CYTH3: variants seen among roughly 807,000 people sequenced by gnomAD.
CYTH3 encodes cytohesin 3.
In CYTH3, 23 loss-of-function variants were observed where a neutral mutation model predicts 55.1. The ratio of observed to expected loss-of-function variants is 0.42; its 90% confidence interval spans 0.30 to 0.59. The LOEUF (loss-of-function observed/expected upper bound fraction) is 0.59, where lower values mean the gene tolerates loss of function less well. CYTH3 is among the 20% of genes least tolerant of loss of function. The pLI is 0.20. For missense variants in CYTH3, 413 were observed against 524.8 expected, an observed-to-expected ratio of 0.79 and a Z score of 2.08; for synonymous variants, 249 against 194.9, an observed-to-expected ratio of 1.28 and a Z score of -2.31.
intron 4 of CYTH3, among the ~76,000 whole-genome samples, 157 bp downstream of exon 4, chr7:6,186,893 G>A (rs920860904): frequency 3.9e-5 from 6 of 152,142 alleles, no homozygotes; most frequent in South Asian, 2.1e-4. Flanking sequence ...CACCCCACTC[G>A]CGAAAAGCCC....
At chr7:6,258,089 C>T (rs910439652) in intron 1 of CYTH3, among the ~76,000 whole-genome samples, 1 of 152,074 alleles carries the variant, frequency 6.6e-6, no homozygotes, top group African/African-American at 2.4e-5. Flanking sequence ...GCCTGAGCAA[C>T]GTAGCAAGAT....
chr7:6,178,399 G>A (rs1226317894), intron 4 of CYTH3, among the ~76,000 whole-genome samples: 1 of 152,228 alleles, frequency 6.6e-6, no homozygotes, highest in African/African-American at 2.4e-5. Flanking sequence ...TCACTAGAGA[G>A]GGAGTTTCCT....
At position 6,171,069 on chromosome 7, in the gene CYTH3, G is replaced by A. The variant is rs1783175565; in HGVS notation, c.563-91C>T. 1.6e-5 allele frequency: 25 copies of A among 1,590,194 alleles called. No homozygotes were observed. Among genetic ancestry groups the A allele is most frequent in the Non-Finnish European group, 2.1e-5 (24 of 1,163,202 alleles). On this transcript the variant is annotated intron_variant, in intron 7 of 12. Transcript: ENST00000350796. The surrounding 1 kb of genome is among the most constrained non-coding windows in gnomAD (Gnocchi z 6.7). ...GGGGGCCCGCCTGCAAGAGGTGCCC[G>A]GCCCACAGGTCGTCCTCGCTCAGGG...
intron 4 of CYTH3, 33 bp from the exon 5 acceptor site, chr7:6,177,974 G>T: frequency 6.6e-7 from 1 of 1,516,670 alleles, no homozygotes; most frequent in South Asian, 1.1e-5. Flanking sequence ...CACTGGTTAG[G>T]AGTGTCACTC....
intron 1 of CYTH3, among the ~76,000 whole-genome samples, chr7:6,221,465 G>C (rs1309230974): frequency 6.6e-6 from 1 of 152,180 alleles, no homozygotes; most frequent in Non-Finnish European, 1.5e-5. Flanking sequence ...TGATAACTTT[G>C]TGGTGATGGA....
intron 1 of CYTH3, among the ~76,000 whole-genome samples, chr7:6,221,827 C>T (rs1784560379): frequency 6.6e-6 from 1 of 152,126 alleles, no homozygotes; most frequent in African/African-American, 2.4e-5. Flanking sequence ...TGAGGCGTGT[C>T]TGTGGTCCCA....
rs78664910 is a variant in CYTH3, at chr7:6,185,123, T to C, written c.249+1927A>G. Reference sequence around the variant, plus strand: ...TAAAGAAAAGCTGTTACCCAAAATATCAAATCATTTCCAAATTCACAAAAT... The same window carrying C: ...TAAAGAAAAGCTGTTACCCAAAATACCAAATCATTTCCAAATTCACAAAAT... On this transcript the variant is annotated intron_variant, in intron 4 of 12. Coordinates refer to ENST00000350796, the MANE Select transcript of CYTH3 (RefSeq NM_004227.4). 1.4e-3 allele frequency among the ~76,000 whole-genome samples: 219 copies of C among 152,332 alleles called. 4 individuals are homozygous for C. The East Asian group carries it at 0.031, about 22-fold the overall frequency.
chr7:6,222,701 C>G (rs770512908), intron 1 of CYTH3, among the ~76,000 whole-genome samples: 25 of 149,968 alleles, frequency 1.7e-4, no homozygotes, highest in Non-Finnish European at 3.5e-4. Flanking sequence ...GAGCTGAGAT[C>G]GCGCCACTGC....
In CYTH3 at chr7:6,170,478, G is replaced by A; in HGVS notation, c.823+57C>T. ...ACGATGAGCCTGGGAGGAACCCGAG[G>A]GGCTGCTGCCATGGGCAGAGGGGTC... On this transcript the variant is annotated intron_variant, in intron 9 of 12. Transcript: ENST00000350796. This position sits in a 1 kb window ranked among gnomAD's most constrained non-coding sequence, Gnocchi z 7.8. The A allele has an allele frequency of 6.6e-7, 1 of 1,515,640 alleles. No individual in the cohort carries two copies. The highest frequency in any genetic ancestry group is 9.1e-7 in the Non-Finnish European group (1 of 1,103,738). 93.9% of individuals were successfully genotyped at this position (1,515,640 alleles called of 1,614,324 possible).
chr7:6,188,192 G>A lies in CYTH3; in HGVS notation c.118-471C>T, dbSNP rs115960626. On this transcript the variant is annotated intron_variant, in intron 2 of 12. Transcript: ENST00000350796. ...AAAGAAAAACAGAAAAATTAGCTGA[G>A]TGTGGTGGTACATGCCTGTAGTCCT... is the stretch of plus-strand genomic sequence containing the variant. 7.0e-3 allele frequency among the ~76,000 whole-genome samples: 1,068 copies of A among 152,170 alleles called. 9 individuals are homozygous for A. The highest frequency in any genetic ancestry group is 0.024 in the African/African-American group (1,009 of 41,514).
Position 6,165,312 on chromosome 7 carries a change from G to A in CYTH3, c.1088C>T (p.Pro363Leu), listed in dbSNP as rs746044558. The A allele has an allele frequency of 6.2e-7, 1 of 1,613,950 alleles. No individual in the cohort carries two copies. The highest frequency in any genetic ancestry group is 1.1e-5 in the South Asian group (1 of 91,082). ...GNHVVYRISA[P>L]SPEEKEEWMK... ...CCACTCCTCCTTCTCCTCCGGGCTC[G>A]GGGCTGAGATCCGGTACACCACATG... Residue 363 changes from proline (P) to leucine (L), a missense_variant, in exon 12 of 13, where the codon CCG (proline) becomes CTG (leucine). Transcript: ENST00000350796.
At chr7:6,197,108 C>G (rs1437302449) in intron 1 of CYTH3, among the ~76,000 whole-genome samples, 1 of 152,148 alleles carries the variant, frequency 6.6e-6, no homozygotes, top group Non-Finnish European at 1.5e-5. Context: ...TCTAAAGATC[C>G]TAAAATACCT....
At chr7:6,258,352 A>G (rs910492058) in intron 1 of CYTH3, among the ~76,000 whole-genome samples, 2 of 151,836 alleles carry the variant, frequency 1.3e-5, no homozygotes, top group African/African-American at 4.8e-5. Context: ...AACTCCTCAT[A>G]TATTTATTTG....
chr7:6,257,863 C>T (rs1458448107), intron 1 of CYTH3, among the ~76,000 whole-genome samples: 2 of 152,068 alleles, frequency 1.3e-5, no homozygotes, highest in African/African-American at 4.8e-5. Flanking sequence ...TAGGGAGGTT[C>T]CTGGGTGGGT....
intron 1 of CYTH3, among the ~76,000 whole-genome samples, chr7:6,243,160 A>C (rs1779717290): frequency 6.6e-6 from 1 of 152,226 alleles, no homozygotes; most frequent in Non-Finnish European, 1.5e-5. Context: ...GTCTGGCCTG[A>C]AAAGTTAATA....
At chr7:6,187,208 G>T in intron 3 of CYTH3, 92 bp from the exon 4 acceptor site, 3 of 1,388,934 alleles carry the variant, frequency 2.2e-6, no homozygotes, top group Middle Eastern at 1.8e-4. Context: ...CCGCAACAAC[G>T]GGCTCAAGGA....
chr7:6,194,053 C>G (rs1480556837), intron 1 of CYTH3, among the ~76,000 whole-genome samples: 1 of 152,178 alleles, frequency 6.6e-6, no homozygotes, highest in Non-Finnish European at 1.5e-5. Flanking sequence ...TACAGAGAAA[C>G]AGTCAACACG....
Position 6,164,087 on chromosome 7 carries a change from G to A in CYTH3, c.*857C>T, listed in dbSNP as rs1423695053. The A allele has an allele frequency of 6.6e-6, 1 of 152,164 alleles. No homozygotes were observed. Among genetic ancestry groups the A allele is most frequent in the Non-Finnish European group, 1.5e-5 (1 of 68,040 alleles). 9.4% of individuals were successfully genotyped at this position (152,164 alleles called of 1,614,324 possible). On this transcript the variant is annotated 3_prime_UTR_variant, in exon 13 of 13. Transcript: ENST00000350796. Reference sequence around the variant, plus strand: ...TTTTAATGATTTGCTTAAAGTATTTGTGGGGCCAAAAAGCCTGGTTGAAGG... The same window carrying A: ...TTTTAATGATTTGCTTAAAGTATTTATGGGGCCAAAAAGCCTGGTTGAAGG...
chr7:6,179,888 ACACACACCC>A (rs1562881754), intron 4 of CYTH3, among the ~76,000 whole-genome samples: 1 of 127,372 alleles, frequency 7.9e-6, no homozygotes, highest in Non-Finnish European at 1.6e-5. Context: ...CACACACACC[ACACACACCC>A]ACACACAACC....
Sources: allele counts gnomAD v4.1 joint callset (sites outside exome capture counted in the v4.1 genomes callset), GRCh38; gene constraint gnomAD v4.1.1; non-coding constraint Gnocchi (gnomAD v3.1); transcripts MANE v1.5; gene names NCBI Gene and HGNC (gene_info 2026-07-23, HGNC 2026-07-21).